The following JHY variants were observed in gnomAD, a reference collection of about 807,000 sequenced individuals.
JHY encodes the protein jhy protein homolog.
Under a neutral mutation model 78.0 loss-of-function variants are expected in JHY, and 69 were observed. The ratio of observed to expected loss-of-function variants is 0.88; its 90% CI spans 0.73 to 1.08. JHY has a LOEUF of 1.08. JHY is among the 50% of genes least tolerant of loss of function. The probability of loss-of-function intolerance (pLI) is 0.00; values close to 1 mark genes in which losing one functional copy is unlikely to be tolerated. For missense variants in JHY, 944 were observed against 927.8 expected, an observed-to-expected ratio of 1.02 and a Z score of -0.23; for synonymous variants, 368 against 342.6, an observed-to-expected ratio of 1.07 and a Z score of -0.82.
chr11:122,932,032 T>C (rs1863648065), intron 4 of JHY, among the ~76,000 whole-genome samples: 1 of 152,184 alleles, frequency 6.6e-6, no homozygotes, highest in Admixed American at 6.5e-5. Context: ...ACTGCGGGTG[T>C]TGGTAACAAA....
chr11:122,956,096 AG>A (rs1243061854), intron 6 of JHY, among the ~76,000 whole-genome samples: 1 of 152,070 alleles, frequency 6.6e-6, no homozygotes, highest in Non-Finnish European at 1.5e-5. Context: ...ACTTAAGCTC[AG>A]GAGTTCAAGC....
At chr11:122,886,341 G>T in intron 2 of JHY, 148 bp downstream of exon 2, 1 of 744,290 alleles carries the variant, frequency 1.3e-6, no homozygotes, top group South Asian at 2.3e-5. Flanking sequence ...GGATAGCTGG[G>T]CACCATGTTT....
chr11:122,886,136 CA>C lies in JHY; in HGVS notation c.288del (p.Ala97LeufsTer23). 2 of 1,614,122 alleles carry C rather than the reference CA, an allele frequency of 1.2e-6. No homozygotes were observed. The highest frequency in any genetic ancestry group is 8.5e-7 in the Non-Finnish European group (1 of 1,180,018). On this transcript the variant is annotated frameshift_variant, in exon 2 of 9. Transcript: ENST00000227349. LOFTEE classifies it high-confidence loss of function. Reference protein sequence around the residue: ...HEMEEEASGKAAQMAREQNHH... With the variant: ...HEMEEEASGKXAQMAREQNHH... The stretch of plus-strand genomic sequence containing the variant: ...ATGGAAGAGGAAGCAAGTGGAAAAG[CA>C]GCTCAGATGGCTCGCGAGCAAAACC...
At chr11:122,885,127 T>TA (rs2135274688) in intron 1 of JHY, among the ~76,000 whole-genome samples, 1 of 152,150 alleles carries the variant, frequency 6.6e-6, no homozygotes. Context: ...TTATGGGTTT[T>TA]AAAAAATACC....
At chr11:122,912,754 A>C (rs192691733) in intron 3 of JHY, among the ~76,000 whole-genome samples, 6 of 152,232 alleles carry the variant, frequency 3.9e-5, no homozygotes, top group Admixed American at 2.0e-4. Context: ...AAGAGAAAAG[A>C]ATTAAGATTA....
chr11:122,905,017 TG>T, intron 3 of JHY, among the ~76,000 whole-genome samples: 1 of 151,694 alleles, frequency 6.6e-6, no homozygotes, highest in South Asian at 2.1e-4. Flanking sequence ...CAACATAAGG[TG>T]GGTTTTTTTT....
intron 5 of JHY, among the ~76,000 whole-genome samples, chr11:122,937,222 T>G (rs1863773983): frequency 1.3e-5 from 2 of 150,118 alleles, no homozygotes; most frequent in South Asian, 4.2e-4. Context: ...ATATCTATAA[T>G]CATGTCCCTC....
Position 122,934,881 on chromosome 11 carries a change from T to G in JHY, c.1440T>G (p.Phe480Leu). 1 of 1,614,014 alleles carries G rather than the reference T, an allele frequency of 6.2e-7. No homozygotes were observed. The highest frequency in any genetic ancestry group is 2.2e-5 in the East Asian group (1 of 44,880). The change falls in exon 5 of 9, where the codon TTT (phenylalanine) becomes TTG (leucine). Residue 480 changes from phenylalanine to leucine, a missense_variant. Physicochemically the swap from Phe to Leu is conservative, Grantham distance 22. Transcript: ENST00000227349. ...RGHKDQEEKR[F>L]SYQQLHTLSD... is the part of the protein sequence containing the mutation. ...ACAAAGACCAAGAAGAGAAAAGATT[T>G]TCATATCAGCAGCTACACACCCTTT... is the stretch of plus-strand genomic sequence containing the variant.
chr11:122,939,061 C>T (rs765031713), intron 5 of JHY, among the ~76,000 whole-genome samples: 1 of 151,002 alleles, frequency 6.6e-6, no homozygotes, highest in African/African-American at 2.4e-5. Flanking sequence ...GATCTCAGCT[C>T]ACTGCAACCT....
At position 122,899,190 on chromosome 11, in the gene JHY, C is replaced by T. The variant is rs183117810; in HGVS notation, c.345-4735C>T. 4.4e-3 allele frequency among the ~76,000 whole-genome samples: 666 copies of T among 152,354 alleles called. 7 individuals are homozygous for T. Among genetic ancestry groups the T allele is most frequent in the Admixed American group, 4.8e-3 (73 of 15,304 alleles). On this transcript the variant is annotated intron_variant, in intron 2 of 8. Coordinates refer to ENST00000227349, the MANE Select transcript of JHY (RefSeq NM_024806.4). Reference sequence around the variant, plus strand: ...GTGTCCGCTGCTTCACCATCTACCACTATTCCTGTAGCTTCGTAAGGGCTC... The same window carrying T: ...GTGTCCGCTGCTTCACCATCTACCATTATTCCTGTAGCTTCGTAAGGGCTC...
chr11:122,908,276 G>A (rs897369420), intron 3 of JHY, among the ~76,000 whole-genome samples: 5 of 152,210 alleles, frequency 3.3e-5, no homozygotes, highest in Non-Finnish European at 7.3e-5. Context: ...GATTCAGCAG[G>A]TGTAGGGTGG....
rs1863700861 is a variant in JHY at position 122,934,352 on chromosome 11, ATAAT to A, written c.979-67_979-64del. The A allele has an allele frequency of 2.8e-5, 17 of 615,010 alleles. No homozygotes were observed. The East Asian group carries it at 6.6e-4, about 24-fold the overall frequency. 38.1% of individuals were successfully genotyped at this position (615,010 alleles called of 1,614,324 possible). On this transcript the variant is annotated intron_variant, in intron 4 of 8. Coordinates refer to ENST00000227349, the MANE Select transcript of JHY (RefSeq NM_024806.4). ...AATAAATAAATAAATAAATAAATAA[ATAAT>A]AAAATAAAATTTGTGAAGAGTGCCA...
At chr11:122,951,344 A>G (rs1261227460) in intron 6 of JHY, among the ~76,000 whole-genome samples, 1 of 152,234 alleles carries the variant, frequency 6.6e-6, no homozygotes, top group African/African-American at 2.4e-5. Flanking sequence ...TGACTGCTTC[A>G]GGAGTTTGCT....
chr11:122,885,830 A>C lies in JHY; in HGVS notation c.-20A>C, dbSNP rs1409935547. The C allele has an allele frequency of 1.9e-6, 3 of 1,567,668 alleles. No individual in the cohort carries two copies. The Admixed American group carries it at 5.2e-5, about 27-fold the overall frequency. On this transcript the variant is annotated 5_prime_UTR_variant, in exon 2 of 9. Transcript: ENST00000227349. ...CCTATCAACACGAGTATCCCCTGTT[A>C]ATTTTTTGCATTTTTCAAGATGAGT... is the stretch of plus-strand genomic sequence containing the variant.
At chr11:122,936,333 T>C (rs937919563) in intron 5 of JHY, among the ~76,000 whole-genome samples, 2 of 152,294 alleles carry the variant, frequency 1.3e-5, no homozygotes, top group Non-Finnish European at 2.9e-5. Context: ...AAAGAACATT[T>C]AAGTGTCACA....
At chr11:122,930,237 C>A (rs111923394) in intron 4 of JHY, among the ~76,000 whole-genome samples, 4 of 152,028 alleles carry the variant, frequency 2.6e-5, no homozygotes, top group African/African-American at 9.7e-5. Flanking sequence ...CAGGCCAGCA[C>A]GCCCAGCTAA....
intron 6 of JHY, among the ~76,000 whole-genome samples, chr11:122,953,544 G>A (rs2135380814): frequency 6.6e-6 from 1 of 150,894 alleles, no homozygotes; most frequent in South Asian, 2.1e-4. Context: ...GGAGGTTGCA[G>A]TGAGCCGAGA....
rs1862933626 is a variant in JHY, at chr11:122,904,260, C to T, written c.680C>T (p.Pro227Leu). Reference sequence around the variant, plus strand: ...GAGGAGAAGTCGAGCAGCCTTTCTCCGTACGTGAAGAGCTCAAGTTCACAT... The same window carrying T: ...GAGGAGAAGTCGAGCAGCCTTTCTCTGTACGTGAAGAGCTCAAGTTCACAT... The part of the protein sequence containing the change: ...DLEEKSSSLS[P>L]YVKSSSSHNE... The change falls in exon 3 of 9, where the codon CCG (proline) becomes CTG (leucine). Residue 227 changes from proline (P) to leucine (L), a missense_variant. By Grantham distance (98) the Pro-to-Leu change is moderately conservative. Coordinates refer to ENST00000227349, the MANE Select transcript of JHY (RefSeq NM_024806.4). 3.1e-6 allele frequency: 5 copies of T among 1,614,174 alleles called. No individual in the cohort carries two copies. The highest frequency in any genetic ancestry group is 1.6e-4 in the Middle Eastern group (1 of 6,062).
intron 8 of JHY, among the ~76,000 whole-genome samples, chr11:122,957,700 T>TA (rs968834297): frequency 4.4e-4 from 64 of 145,778 alleles, no homozygotes; most frequent in East Asian, 1.2e-3. Flanking sequence ...TCTTGTAACT[T>TA]AAAAAAAAAA....
Sources: gnomAD v4.1 joint callset for allele counts (sites outside exome capture counted in the v4.1 genomes callset) on GRCh38, gnomAD v4.1.1 for gene constraint, MANE v1.5 for transcripts, NCBI Gene and HGNC (gene_info 2026-07-23, HGNC 2026-07-21) for gene names.